Variants in P4HA2 observed in about 807,000 individuals in gnomAD.
The protein encoded by P4HA2 is prolyl 4-hydroxylase subunit alpha-2.
A neutral mutation model predicts 76.9 loss-of-function variants in P4HA2; 46 were observed. That is an observed-to-expected ratio of 0.60 (90% confidence interval 0.47 to 0.76). The LOEUF is 0.76. Among genes scored for constraint, P4HA2 ranks in the 30% least tolerant of loss-of-function variants. The pLI is 0.00. For missense variants in P4HA2, 583 were observed against 669.4 expected, an observed-to-expected ratio of 0.87 and a Z score of 1.42; for synonymous variants, 243 against 254.0, an observed-to-expected ratio of 0.96 and a Z score of 0.41.
At chr5:132,224,541 C>A (rs1219847422) in intron 1 of P4HA2, among the ~76,000 whole-genome samples, 2 of 152,294 alleles carry the variant, frequency 1.3e-5, no homozygotes, top group East Asian at 3.9e-4. Flanking sequence ...AAGATGCAAA[C>A]AAGGCAGAAA....
chr5:132,203,878 A>G, intron 9 of P4HA2, 31 bp from the exon 10 acceptor site: 2 of 1,525,508 alleles, frequency 1.3e-6, no homozygotes, highest in Non-Finnish European at 1.8e-6. Flanking sequence ...AGAGAAAAGA[A>G]GACGGAAGGG....
At position 132,190,619 on chromosome 5, in the gene P4HA2, T is replaced by G. The variant is rs1050105985; in HGVS notation, c.*2391A>C. 1.3e-5 allele frequency among the ~76,000 whole-genome samples: 2 copies of G among 152,202 alleles called. No homozygotes were observed. Among genetic ancestry groups the G allele is most frequent in the African/African-American group, 4.8e-5 (2 of 41,444 alleles). On this transcript the variant is annotated 3_prime_UTR_variant, in exon 15 of 15. Transcript: ENST00000360568. ...CTAAATGACAAAGACTATATAGCTT[T>G]CAGAAGAGAACACAGGAAACATCCT...
intron 14 of P4HA2, 143 bp downstream of exon 14, chr5:132,194,783 G>C: frequency 2.9e-6 from 2 of 691,800 alleles, no homozygotes; most frequent in Middle Eastern, 5.0e-4. Context: ...TGGCTGGATG[G>C]TAATAACAGC....
chr5:132,196,518 C>T (rs919662653), intron 12 of P4HA2, among the ~76,000 whole-genome samples: 10 of 152,142 alleles, frequency 6.6e-5, no homozygotes, highest in Admixed American at 6.5e-4. Context: ...TCCACTGAAC[C>T]CCAAGCCTGG....
intron 4 of P4HA2, among the ~76,000 whole-genome samples, chr5:132,214,926 C>G (rs1295800110): frequency 6.6e-6 from 1 of 152,166 alleles, no homozygotes; most frequent in Non-Finnish European, 1.5e-5. Flanking sequence ...TGTGTACCTC[C>G]TACAATCCCA....
Position 132,198,949 on chromosome 5 carries a change from C to T in P4HA2, c.1252-17G>A, listed in dbSNP as rs1377553161. ...ATTTGCAACCTGTGGGAAATAACAGCATTAGACCTTGTAAGCAGCATGAAC... is the reference window on the plus strand; with the variant it reads ...ATTTGCAACCTGTGGGAAATAACAGTATTAGACCTTGTAAGCAGCATGAAC... On this transcript the variant is annotated splice_polypyrimidine_tract_variant and intron_variant, in intron 10 of 14. Transcript: ENST00000360568. 3 of 1,582,316 alleles carry T rather than the reference C, an allele frequency of 1.9e-6. No individual in the cohort carries two copies. Among genetic ancestry groups the T allele is most frequent in the Non-Finnish European group, 2.6e-6 (3 of 1,151,166 alleles).
intron 14 of P4HA2, among the ~76,000 whole-genome samples, chr5:132,193,800 C>T (rs1305457300): frequency 1.3e-5 from 2 of 152,106 alleles, no homozygotes; most frequent in African/African-American, 4.8e-5. Flanking sequence ...TGATTCTGTT[C>T]CTCACAGACT....
At position 132,214,041 on chromosome 5, in the gene P4HA2, T is replaced by C; in HGVS notation, c.344A>G (p.Asn115Ser). The C allele has an allele frequency of 6.2e-7, 1 of 1,613,904 alleles. No homozygotes were observed. Among genetic ancestry groups the C allele is most frequent in the Non-Finnish European group, 8.5e-7 (1 of 1,179,950 alleles). ...LQDSAAGFIA[N>S]LSVQRQFFPT... ...GAAGAACTGCCGCTGCACAGAGAGG[T>C]TGGCGATAAAACCTTCCAAATGAGA... The change falls in exon 5 of 15, where the codon AAC (asparagine) becomes AGC (serine). Residue 115 changes from asparagine (N) to serine (S), a missense_variant. Physicochemically the swap from Asn to Ser is conservative, Grantham distance 46. Coordinates refer to ENST00000360568, the MANE Select transcript of P4HA2 (RefSeq NM_001017974.2).
chr5:132,191,961 C>T lies in P4HA2; in HGVS notation c.*1049G>A, dbSNP rs200601558. The T allele has an allele frequency of 2.6e-5, 4 of 152,198 alleles. No homozygotes were observed. Among genetic ancestry groups the T allele is most frequent in the African/African-American group, 4.8e-5 (2 of 41,444 alleles). 9.4% of individuals were successfully genotyped at this position (152,198 alleles called of 1,614,324 possible). A position where few individuals can be genotyped will look rare whatever the true frequency, so the allele number is the denominator to read the frequency against. ...ACAAATTACAGCTACACAAGCAACA[C>T]GGATGAATCTTAAAACAATGTTGAA... On this transcript the variant is annotated 3_prime_UTR_variant, in exon 15 of 15. Coordinates refer to ENST00000360568, the MANE Select transcript of P4HA2 (RefSeq NM_001017974.2).
chr5:132,195,035 T>C lies in P4HA2; in HGVS notation c.1435-13A>G, dbSNP rs1338517639. The C allele has an allele frequency of 2.6e-6, 4 of 1,566,814 alleles. No homozygotes were observed. Among genetic ancestry groups the C allele is most frequent in the East Asian group, 2.2e-5 (1 of 44,658 alleles). ...ACACAGCTGTACCCTGGGAAAGAGA[T>C]GGCCTTTCAGAACACATTCTTAAGA... On this transcript the variant is annotated splice_polypyrimidine_tract_variant and intron_variant, in intron 13 of 14. Transcript: ENST00000360568.
chr5:132,214,152 G>C, intron 4 of P4HA2, 99 bp from the exon 5 acceptor site: 1 of 1,229,322 alleles, frequency 8.1e-7, no homozygotes, highest in East Asian at 2.4e-5. Context: ...TCTGGCTAGT[G>C]AAATTTCCCC....
At chr5:132,197,026 A>C (rs1006454713) in intron 12 of P4HA2, among the ~76,000 whole-genome samples, 5 of 152,192 alleles carry the variant, frequency 3.3e-5, no homozygotes, top group Non-Finnish European at 7.3e-5. Context: ...ATAAAGGGAA[A>C]AAATGGACAC....
chr5:132,222,632 C>G (rs1174130449), intron 1 of P4HA2, among the ~76,000 whole-genome samples: 2 of 152,200 alleles, frequency 1.3e-5, no homozygotes, highest in Non-Finnish European at 2.9e-5. Context: ...GCCCTACTGC[C>G]CTCTCTAGCC....
chr5:132,196,752 T>C (rs1258023700), intron 12 of P4HA2, among the ~76,000 whole-genome samples: 2 of 151,268 alleles, frequency 1.3e-5, no homozygotes, highest in African/African-American at 4.9e-5. Context: ...TCCCAGCTAC[T>C]TGGGAGGCTG....
chr5:132,192,986 G>C lies in P4HA2; in HGVS notation c.*24C>G. The C allele has an allele frequency of 6.6e-7, 1 of 1,510,168 alleles. No homozygotes were observed. The highest frequency in any genetic ancestry group is 1.7e-5 in the Admixed American group (1 of 59,906). The allele number at this position is 1,510,168 out of a possible 1,614,324, so 93.5% of individuals were successfully genotyped here. The stretch of plus-strand genomic sequence containing the variant: ...ACGTTGACATGGGCTGAAGGACCAG[G>C]AAGGGGAAGGACAGAAAAGGATGTC... On this transcript the variant is annotated 3_prime_UTR_variant, in exon 15 of 15. Transcript: ENST00000360568.
chr5:132,221,946 A>G (rs1754702250), intron 1 of P4HA2: 1 of 152,242 alleles, frequency 6.6e-6, no homozygotes, highest in Non-Finnish European at 1.5e-5. Context: ...AGGTCCCACC[A>G]AACCTGAACT....
intron 1 of P4HA2, among the ~76,000 whole-genome samples, chr5:132,219,040 T>C (rs1754294598): frequency 6.6e-6 from 1 of 152,186 alleles, no homozygotes; most frequent in Non-Finnish European, 1.5e-5. Flanking sequence ...CCAACACATA[T>C]GCCAGGACAG....
chr5:132,199,207 C>G (rs1377395621), intron 10 of P4HA2, among the ~76,000 whole-genome samples: 1 of 152,232 alleles, frequency 6.6e-6, no homozygotes, highest in African/African-American at 2.4e-5. Context: ...AGGAAAAGCA[C>G]CAGCCCTTCA....
chr5:132,212,638 G>A (rs754205096), intron 5 of P4HA2, among the ~76,000 whole-genome samples: 7 of 152,156 alleles, frequency 4.6e-5, no homozygotes, highest in South Asian at 2.1e-4. Context: ...TTAGAAGCTC[G>A]GGAGACAAGC....
Sources: gnomAD v4.1 joint callset for allele counts (sites outside exome capture counted in the v4.1 genomes callset) on GRCh38, gnomAD v4.1.1 for gene constraint, MANE v1.5 for transcripts, NCBI Gene and HGNC (gene_info 2026-07-23, HGNC 2026-07-21) for gene names.